Variants in PPIL4 observed in about 807,000 individuals in gnomAD.
PPIL4 encodes peptidyl-prolyl cis-trans isomerase-like 4.
In PPIL4, 50 loss-of-function variants were observed where a neutral mutation model predicts 69.1. That is an observed-to-expected ratio of 0.72 (90% CI 0.58 to 0.92). PPIL4 has a LOEUF of 0.92. Among genes scored for constraint, PPIL4 ranks in the 40% least tolerant of loss-of-function variants. The pLI, the probability that PPIL4 is intolerant of heterozygous loss-of-function variation, is 0.00. For missense variants in PPIL4, 480 were observed against 587.9 expected, an observed-to-expected ratio of 0.82 and a Z score of 1.90; for synonymous variants, 193 against 191.6, an observed-to-expected ratio of 1.01 and a Z score of -0.06.
At chr6:149,537,070 G>A (rs145536287) in intron 4 of PPIL4, among the ~76,000 whole-genome samples, 2,788 of 151,140 alleles carry the variant, frequency 0.018, 91 homozygotes, top group African/African-American at 0.064. Flanking sequence ...AGGTTGCAGT[G>A]AGCTGAGATC....
rs17710991 is a variant in PPIL4, at chr6:149,525,170, G to A, written c.843C>T (p.Leu281=). 97 of 1,567,740 alleles carry A rather than the reference G, an allele frequency of 6.2e-5. 1 individual carries two copies. Among genetic ancestry groups the A allele is most frequent in the Non-Finnish European group, 8.1e-5 (93 of 1,147,290 alleles). The change falls in exon 9 of 13, where the codon CTC becomes CTT. Residue 281 remains leucine, a synonymous_variant. Coordinates refer to ENST00000253329, the MANE Select transcript of PPIL4 (RefSeq NM_139126.4). ...VIRDWKTGES[L]CYAFIEFEKE... ...TTTCAAATTCAATAAAAGCGTAACA[G>A]AGGGACTCTCCTGTCTTCCAGTCTC...
chr6:149,509,049 GGAA>G (rs1776804808), intron 12 of PPIL4, among the ~76,000 whole-genome samples: 1 of 151,994 alleles, frequency 6.6e-6, no homozygotes, highest in African/African-American at 2.4e-5. Context: ...AGTTTTATTA[GGAA>G]GAAGAGAAAA....
chr6:149,512,079 T>G (rs1776852975), intron 12 of PPIL4, 76 bp downstream of exon 12: 3 of 1,266,278 alleles, frequency 2.4e-6, no homozygotes, highest in Non-Finnish European at 2.2e-6. Context: ...ACCTCCTAAA[T>G]TATATCACTA....
At chr6:149,513,139 A>G (rs1776881292) in intron 11 of PPIL4, among the ~76,000 whole-genome samples, 2 of 148,294 alleles carry the variant, frequency 1.3e-5, no homozygotes, top group South Asian at 4.3e-4. Context: ...TAATCCCAGC[A>G]CTTTGGGAAG....
At chr6:149,514,153 T>G (rs1289742632) in intron 11 of PPIL4, among the ~76,000 whole-genome samples, 1 of 152,198 alleles carries the variant, frequency 6.6e-6, no homozygotes, top group Non-Finnish European at 1.5e-5. Flanking sequence ...CTAAAGAGGG[T>G]TAGTCAGCTC....
At position 149,521,120 on chromosome 6, in the gene PPIL4, C is replaced by T; in HGVS notation, c.922G>A (p.Asp308Asn). ...CTAAAATCCACATGTATTCTTCTGTCATCTATAAGCACATTGTCCATTTTG... is the reference window on the plus strand; with the variant it reads ...CTAAAATCCACATGTATTCTTCTGTTATCTATAAGCACATTGTCCATTTTG... Reference protein sequence around the residue: ...FFKMDNVLIDDRRIHVDFSQS... With the variant: ...FFKMDNVLIDNRRIHVDFSQS... Residue 308 changes from aspartate to asparagine, a missense_variant, in exon 10 of 13, where the codon GAC (aspartate) becomes AAC (asparagine). Coordinates refer to ENST00000253329, the MANE Select transcript of PPIL4 (RefSeq NM_139126.4). The T allele has an allele frequency of 6.2e-7, 1 of 1,607,730 alleles. No individual in the cohort carries two copies. The highest frequency in any genetic ancestry group is 8.5e-7 in the Non-Finnish European group (1 of 1,175,910).
intron 7 of PPIL4, among the ~76,000 whole-genome samples, chr6:149,532,744 T>C (rs1777217754): frequency 6.6e-6 from 1 of 152,076 alleles, no homozygotes; most frequent in South Asian, 2.1e-4. Flanking sequence ...AGCTGAGGAG[T>C]TGGAAGCTGC....
At chr6:149,544,715 GAGA>G (rs932396565) in intron 1 of PPIL4, among the ~76,000 whole-genome samples, 1 of 152,188 alleles carries the variant, frequency 6.6e-6, no homozygotes, top group African/African-American at 2.4e-5. Flanking sequence ...GACAATAGTG[GAGA>G]AGAATATTGT....
At chr6:149,519,837 A>C (rs78242335) in intron 10 of PPIL4, among the ~76,000 whole-genome samples, 1 of 152,380 alleles carries the variant, frequency 6.6e-6, no homozygotes, top group African/African-American at 2.4e-5. Context: ...AAAAGAAAGT[A>C]ACCCTGAAAT....
chr6:149,507,722 A>C (rs893372855), intron 12 of PPIL4, among the ~76,000 whole-genome samples: 2 of 152,202 alleles, frequency 1.3e-5, no homozygotes, highest in Non-Finnish European at 2.9e-5. Context: ...TGAATATTTG[A>C]ATTGGACTGA....
intron 4 of PPIL4, among the ~76,000 whole-genome samples, chr6:149,538,885 C>T (rs1381960523): frequency 1.3e-5 from 2 of 151,748 alleles, no homozygotes; most frequent in African/African-American, 4.8e-5. Flanking sequence ...CTTGCTGCAT[C>T]GCCCAGGCTG....
chr6:149,510,867 AG>A (rs1354323461), intron 12 of PPIL4, among the ~76,000 whole-genome samples: 1 of 152,092 alleles, frequency 6.6e-6, no homozygotes, highest in Non-Finnish European at 1.5e-5. Context: ...AAAAAAAAAA[AG>A]TAGTAACAAT....
At position 149,517,421 on chromosome 6, in the gene PPIL4, C is replaced by A; in HGVS notation, c.1012G>T (p.Glu338Ter). ...GGTTTATCCTGTTCTTTTTCATACT[C>A]CTTGAAATCACTCTTGGTGTATTTC... ...GGKYTKSDFK[E>*]YEKEQDKPPN... Residue 338 changes from glutamate to a stop codon, truncating the protein, a stop_gained, in exon 11 of 13, where the codon GAG becomes TAG. Coordinates refer to ENST00000253329, the MANE Select transcript of PPIL4 (RefSeq NM_139126.4). LOFTEE classifies it high-confidence loss of function. 5 of 1,603,340 alleles carry A rather than the reference C, an allele frequency of 3.1e-6. No individual in the cohort carries two copies. The highest frequency in any genetic ancestry group is 4.3e-6 in the Non-Finnish European group (5 of 1,173,778).
chr6:149,530,824 TG>T (rs1777184504), intron 7 of PPIL4, among the ~76,000 whole-genome samples: 1 of 152,080 alleles, frequency 6.6e-6, no homozygotes. Context: ...GAGAAATTTA[TG>T]GGGGAAATTT....
At chr6:149,536,738 CAA>C (rs750303522) in intron 4 of PPIL4, among the ~76,000 whole-genome samples, 22 of 102,264 alleles carry the variant, frequency 2.2e-4, no homozygotes, top group Admixed American at 2.8e-4. Context: ...TACTCCATCT[CAA>C]AAAAAAAAAA....
At chr6:149,535,405 G>A (rs1432024358) in intron 5 of PPIL4, among the ~76,000 whole-genome samples, 191 bp downstream of exon 5, 1 of 152,110 alleles carries the variant, frequency 6.6e-6, no homozygotes, top group African/African-American at 2.4e-5. Context: ...TAAATAATTA[G>A]TACAAGTATA....
intron 11 of PPIL4, among the ~76,000 whole-genome samples, chr6:149,513,156 C>T (rs116434818): frequency 0.023 from 3,413 of 147,570 alleles, 118 homozygotes; most frequent in African/African-American, 0.079. Context: ...GAAGCCAAGG[C>T]GGGCGACTCA....
intron 12 of PPIL4, among the ~76,000 whole-genome samples, chr6:149,510,105 G>A (rs1583202722): frequency 6.6e-6 from 1 of 152,144 alleles, no homozygotes. Flanking sequence ...AATATTTGCA[G>A]GAACCAACAA....
chr6:149,513,073 A>G (rs1776880202), intron 11 of PPIL4, among the ~76,000 whole-genome samples: 1 of 149,962 alleles, frequency 6.7e-6, no homozygotes, highest in African/African-American at 2.4e-5. Flanking sequence ...GAATTTATGA[A>G]TACAGTTAAA....
Sources: allele counts gnomAD v4.1 joint callset (sites outside exome capture counted in the v4.1 genomes callset), GRCh38; gene constraint gnomAD v4.1.1; transcripts MANE v1.5; gene names NCBI Gene and HGNC (gene_info 2026-07-23, HGNC 2026-07-21).